ZNF469: variants seen among roughly 807,000 people sequenced by gnomAD.
ZNF469 encodes zinc finger protein 469.
A neutral mutation model predicts 1.0 loss-of-function variants in ZNF469; 1 was observed. The observed-to-expected ratio is 1.00, with a 90% CI of 0.35 to 4.73. The LOEUF (loss-of-function observed/expected upper bound fraction) is 4.73. Ranked by LOEUF, ZNF469 falls within the 30% of genes most tolerant of loss-of-function variation. The pLI, the probability that ZNF469 is intolerant of heterozygous loss-of-function variation, is 0.16. For synonymous variants in ZNF469, 2,703 were observed against 2,363.4 expected (o/e 1.14, Z -4.17); for missense variants, 6,100 against 5,356.3 (o/e 1.14, Z -4.33).
At position 88,428,688 on chromosome 16, in the gene ZNF469, T is replaced by C; in HGVS notation, c.1218T>C (p.Phe406=). 6.5e-7 allele frequency: 1 copy of C among 1,549,618 alleles called. No individual in the cohort carries two copies. Among genetic ancestry groups the C allele is most frequent in the East Asian group, 2.4e-5 (1 of 40,884 alleles). The change falls in exon 3 of 3, where the codon TTT becomes TTC. Residue 406 remains phenylalanine, a synonymous_variant. Transcript: ENST00000565624. ...GPPSSLPQRH[F]PGQAYRASGV... is the part of the protein sequence containing the mutation. The stretch of plus-strand genomic sequence containing the variant: ...CTAGCTCCCTACCCCAGAGGCACTT[T>C]CCAGGGCAGGCGTACAGAGCCAGTG...
the ZNF469 span, among the ~76,000 whole-genome samples, chr16:88,167,631 G>A: frequency 6.6e-6 from 1 of 152,200 alleles, no homozygotes; most frequent in African/African-American, 2.4e-5. Context: ...GTGGGGGGCA[G>A]GACCCAGAGA....
At chr16:88,132,005 C>T in the ZNF469 span, among the ~76,000 whole-genome samples, 4 of 152,246 alleles carry the variant, frequency 2.6e-5, no homozygotes, top group African/African-American at 9.6e-5. Context: ...ATGCTCCGCC[C>T]GTGGGAAGCT....
the ZNF469 span, among the ~76,000 whole-genome samples, chr16:88,347,818 AC>A: frequency 6.6e-6 from 1 of 152,198 alleles, no homozygotes; most frequent in Non-Finnish European, 1.5e-5. Flanking sequence ...GCCTCCTGGG[AC>A]CATTGGATGT....
chr16:88,334,100 CTGTGTCTG>C, the ZNF469 span, among the ~76,000 whole-genome samples: 1 of 151,056 alleles, frequency 6.6e-6, no homozygotes, highest in Non-Finnish European at 1.5e-5. Flanking sequence ...ATGTGTATGT[CTGTGTCTG>C]TGTGTCTGTG....
intron 1 of ZNF469, among the ~76,000 whole-genome samples, chr16:88,386,230 G>A (rs996515532): frequency 9.9e-5 from 15 of 152,174 alleles, no homozygotes; most frequent in South Asian, 6.2e-4. Flanking sequence ...TGACCAGCCC[G>A]TCCTCCTGCT....
At chr16:88,144,567 G>C in the ZNF469 span, among the ~76,000 whole-genome samples, 1 of 152,242 alleles carries the variant, frequency 6.6e-6, no homozygotes, top group Non-Finnish European at 1.5e-5. Flanking sequence ...TGAGGTCACA[G>C]ACGCAGTGTG....
chr16:88,390,250 T>C (rs1452802563), intron 1 of ZNF469, among the ~76,000 whole-genome samples: 1 of 151,996 alleles, frequency 6.6e-6, no homozygotes, highest in Non-Finnish European at 1.5e-5. Context: ...GGTCCTGGGA[T>C]CTGTCCTGTG....
the ZNF469 span, among the ~76,000 whole-genome samples, chr16:88,309,433 G>A: frequency 3.8e-3 from 545 of 144,066 alleles, 2 homozygotes; most frequent in African/African-American, 0.013. Context: ...GTCCCCTCTC[G>A]GTGTTCAGGA....
chr16:88,373,646 A>G, the ZNF469 span, among the ~76,000 whole-genome samples: 2 of 151,472 alleles, frequency 1.3e-5, no homozygotes, highest in African/African-American at 2.4e-5. Flanking sequence ...TCACAGTCAC[A>G]TTGGGTTAAG....
the ZNF469 span, among the ~76,000 whole-genome samples, chr16:88,359,409 C>T: frequency 4.6e-5 from 7 of 151,730 alleles, no homozygotes; most frequent in South Asian, 2.1e-4. Context: ...CCCGCGGGCT[C>T]GGTATCCTGC....
chr16:88,123,012 G>C, the ZNF469 span, among the ~76,000 whole-genome samples: 70 of 152,014 alleles, frequency 4.6e-4, no homozygotes, highest in Non-Finnish European at 1.2e-4. Context: ...TTATATTTTT[G>C]ATACTCAGAT....
the ZNF469 span, among the ~76,000 whole-genome samples, chr16:88,184,844 G>A: frequency 3.3e-5 from 5 of 152,226 alleles, no homozygotes; most frequent in African/African-American, 4.8e-5. Flanking sequence ...TCTCGGGCTG[G>A]CTTGTGCGGG....
the ZNF469 span, among the ~76,000 whole-genome samples, chr16:88,117,841 C>T: frequency 7.2e-5 from 11 of 152,312 alleles, no homozygotes; most frequent in East Asian, 1.9e-4. Context: ...GGTGGGAGGC[C>T]GCCGTGTCGT....
the ZNF469 span, among the ~76,000 whole-genome samples, chr16:88,199,763 A>T: frequency 2.6e-5 from 4 of 152,198 alleles, no homozygotes; most frequent in African/African-American, 9.7e-5. Context: ...TCACACCACC[A>T]TTCCAGCACT....
chr16:88,301,285 G>C, the ZNF469 span, among the ~76,000 whole-genome samples: 1 of 151,948 alleles, frequency 6.6e-6, no homozygotes, highest in Non-Finnish European at 1.5e-5. Flanking sequence ...CTCCCGAGTA[G>C]CTGGGACTAC....
At chr16:88,117,845 G>A in the ZNF469 span, among the ~76,000 whole-genome samples, 208 of 152,354 alleles carry the variant, frequency 1.4e-3, no homozygotes, top group African/African-American at 4.8e-3. Flanking sequence ...GGAGGCCGCC[G>A]TGTCGTCAGA....
At chr16:88,128,746 G>T in the ZNF469 span, among the ~76,000 whole-genome samples, 1 of 152,210 alleles carries the variant, frequency 6.6e-6, no homozygotes, top group African/African-American at 2.4e-5. Context: ...CAAGAGCTGG[G>T]GCCCTCCCAG....
chr16:88,225,509 G>A, the ZNF469 span, among the ~76,000 whole-genome samples: 3 of 152,174 alleles, frequency 2.0e-5, no homozygotes, highest in Non-Finnish European at 4.4e-5. Context: ...GAGGGTGGAG[G>A]GCTTTGCCTT....
At chr16:88,184,446 C>T in the ZNF469 span, among the ~76,000 whole-genome samples, 1 of 151,884 alleles carries the variant, frequency 6.6e-6, no homozygotes, top group African/African-American at 2.4e-5. Flanking sequence ...AAGAAAAATG[C>T]AATTTTTCTT....
Sources: allele counts gnomAD v4.1 joint callset (sites outside exome capture counted in the v4.1 genomes callset), GRCh38; gene constraint gnomAD v4.1.1; transcripts MANE v1.5; gene names NCBI Gene and HGNC (gene_info 2026-07-23, HGNC 2026-07-21).